The following ATP7A variants were observed in gnomAD, a reference collection of about 807,000 sequenced individuals.
ATP7A encodes the protein copper-transporting ATPase 1.
In ATP7A, 7 loss-of-function variants were observed where a neutral mutation model predicts 83.5. The ratio of observed to expected loss-of-function variants is 0.08; its 90% CI spans 0.05 to 0.16. The LOEUF (loss-of-function observed/expected upper bound fraction) is 0.16, where lower values mean the gene tolerates loss of function less well. Ranked by LOEUF, ATP7A falls within the 10% of genes least tolerant of loss-of-function variation. The pLI, the probability that ATP7A is intolerant of heterozygous loss-of-function variation, is 1.00. For synonymous variants in ATP7A, 354 were observed against 395.2 expected, an observed-to-expected ratio of 0.90 and a Z score of 1.24; for missense variants, 940 against 1,120.8, an observed-to-expected ratio of 0.84 and a Z score of 2.30.
intron 9 of ATP7A, among the ~76,000 whole-genome samples, chrX:78,012,307 G>A (rs1190284328): frequency 8.9e-6 from 1 of 111,785 alleles, no homozygotes; most frequent in Non-Finnish European, 1.9e-5. Context: ...AATGAAATAA[G>A]CTTTCCAGTT....
intron 17 of ATP7A, among the ~76,000 whole-genome samples, chrX:78,034,689 A>G (rs2078002208): frequency 9.1e-6 from 1 of 110,224 alleles, no homozygotes; most frequent in Non-Finnish European, 1.9e-5. Context: ...TCCTTCCTAA[A>G]GGATGATTCC....
At chrX:78,009,072 C>T in intron 6 of ATP7A, 30 bp from the exon 7 acceptor site, 1 of 1,190,186 alleles carries the variant, frequency 8.4e-7, no homozygotes, top group Non-Finnish European at 1.1e-6. Context: ...AAAGTATATT[C>T]CTGAAGAACA....
chrX:77,923,785 C>T (rs1245483425), intron 1 of ATP7A: 2 of 111,143 alleles, frequency 1.8e-5, no homozygotes, highest in African/African-American at 6.5e-5. Flanking sequence ...TGTATGTGTG[C>T]ACAGCCTTCA....
intron 4 of ATP7A, among the ~76,000 whole-genome samples, chrX:77,994,350 G>A (rs1177234463): frequency 9.0e-6 from 1 of 111,395 alleles, no homozygotes; most frequent in African/African-American, 3.3e-5. Flanking sequence ...ACAGGTGTGA[G>A]CCACAGTGCC....
chrX:77,997,398 G>C (rs1232757923), intron 4 of ATP7A, among the ~76,000 whole-genome samples: 4 of 111,901 alleles, frequency 3.6e-5, no homozygotes, highest in African/African-American at 1.3e-4. Context: ...TATTCTGTAG[G>C]GAAGTGGTCA....
chrX:77,930,225 G>A (rs1170254341), intron 1 of ATP7A, among the ~76,000 whole-genome samples: 1 of 111,422 alleles, frequency 9.0e-6, no homozygotes, highest in Non-Finnish European at 1.9e-5. Context: ...GAACAGGAAG[G>A]GATTGGACCT....
chrX:78,011,057 C>T, intron 7 of ATP7A, 119 bp from the exon 8 acceptor site: 1 of 578,302 alleles, frequency 1.7e-6, no homozygotes, highest in Non-Finnish European at 2.9e-6. Flanking sequence ...TTTGTATTCC[C>T]CAGAGTGACT....
At chrX:77,967,948 CTTT>C (rs1197019875) in intron 1 of ATP7A, among the ~76,000 whole-genome samples, 1 of 105,893 alleles carries the variant, frequency 9.4e-6, no homozygotes, top group African/African-American at 3.4e-5. Flanking sequence ...TGTTGTAATA[CTTT>C]TTTTTTTTAA....
At chrX:77,985,712 A>C (rs1230914113) in intron 2 of ATP7A, among the ~76,000 whole-genome samples, 4 of 111,089 alleles carry the variant, frequency 3.6e-5, no homozygotes, top group African/African-American at 1.3e-4. Context: ...AGTTCTATGA[A>C]ATTTTTTTTT....
At chrX:77,948,673 G>C (rs1224330616) in intron 1 of ATP7A, among the ~76,000 whole-genome samples, 1 of 111,124 alleles carries the variant, frequency 9.0e-6, no homozygotes, top group African/African-American at 3.3e-5. Flanking sequence ...AAAATGCAAT[G>C]ATGGGAAGAA....
intron 1 of ATP7A, among the ~76,000 whole-genome samples, chrX:77,939,115 G>T (rs1235512877): frequency 9.0e-6 from 1 of 111,015 alleles, no homozygotes; most frequent in Non-Finnish European, 1.9e-5. Flanking sequence ...GGCCAACATG[G>T]CAAAACCCTG....
intron 2 of ATP7A, among the ~76,000 whole-genome samples, chrX:77,987,871 G>T (rs1281883324): frequency 9.0e-6 from 1 of 111,317 alleles, no homozygotes; most frequent in Non-Finnish European, 1.9e-5. Flanking sequence ...TTCTGTAGCT[G>T]ATCCTGTTTC....
At chrX:77,969,891 G>T (rs2077536189) in intron 1 of ATP7A, among the ~76,000 whole-genome samples, 1 of 111,825 alleles carries the variant, frequency 8.9e-6, no homozygotes, top group Non-Finnish European at 1.9e-5. Context: ...ATTCTAGTGG[G>T]AAGTGTATTA....
chrX:77,937,522 A>G (rs1393635114), intron 1 of ATP7A, among the ~76,000 whole-genome samples: 2 of 112,183 alleles, frequency 1.8e-5, no homozygotes, highest in African/African-American at 6.5e-5. Flanking sequence ...TTATAGTAGC[A>G]TTGTTCAGCA....
chrX:77,943,885 T>C (rs782619678), intron 1 of ATP7A, among the ~76,000 whole-genome samples: 62 of 112,238 alleles, frequency 5.5e-4, no homozygotes, highest in African/African-American at 1.9e-3. Context: ...CTATTTTAGA[T>C]ATGCTTATAC....
chrX:77,998,243 A>C (rs2077716699), intron 4 of ATP7A, among the ~76,000 whole-genome samples: 2 of 111,740 alleles, frequency 1.8e-5, no homozygotes, highest in South Asian at 3.7e-4. Flanking sequence ...GAAGAAAAAA[A>C]GTTTTGTTTA....
chrX:77,989,104 A>C (rs2077654947), intron 3 of ATP7A, 129 bp from the exon 4 acceptor site: 1 of 841,978 alleles, frequency 1.2e-6, no homozygotes, highest in Non-Finnish European at 1.6e-6. Flanking sequence ...AAAAGAAAAA[A>C]AATTAAGAAA....
chrX:78,037,980 GTTTTTTTT>G (rs782643561), intron 17 of ATP7A, among the ~76,000 whole-genome samples: 45 of 51,202 alleles, frequency 8.8e-4, no homozygotes, highest in African/African-American at 3.8e-3. Context: ...ATCAAGAAAG[GTTTTTTTT>G]TTTTTTTTTT....
intron 1 of ATP7A, chrX:77,969,785 G>T: frequency 1.4e-6 from 1 of 740,128 alleles, no homozygotes; most frequent in Non-Finnish European, 1.9e-6. Flanking sequence ...ATATTAGATT[G>T]ATTTATATGA....
Sources: allele counts gnomAD v4.1 joint callset (sites outside exome capture counted in the v4.1 genomes callset), GRCh38; gene constraint gnomAD v4.1.1; transcripts MANE v1.5; gene names NCBI Gene and HGNC (gene_info 2026-07-23, HGNC 2026-07-21).